SCUBE1: variants seen among roughly 807,000 people sequenced by gnomAD.
SCUBE1 encodes the protein signal peptide, CUB and EGF-like domain-containing protein 1.
SCUBE1 carries 59 observed loss-of-function variants against 124.4 expected under a neutral mutation model. That is an observed-to-expected ratio of 0.47 (90% CI 0.38 to 0.59). The LOEUF (loss-of-function observed/expected upper bound fraction) is 0.59. Ranked by LOEUF, SCUBE1 falls within the 20% of genes least tolerant of loss-of-function variation. The pLI, the probability that SCUBE1 is intolerant of heterozygous loss-of-function variation, is 0.00. For synonymous variants in SCUBE1, 545 were observed against 550.9 expected (o/e 0.99, Z 0.15); for missense variants, 1,150 against 1,371.2 (o/e 0.84, Z 2.55).
chr22:43,321,106 CGGAACCGGAAGTGCAGCACTAAGT>C (rs1332116683), intron 2 of SCUBE1, among the ~76,000 whole-genome samples: 4 of 152,192 alleles, frequency 2.6e-5, no homozygotes, highest in African/African-American at 9.7e-5. Flanking sequence ...GAACTGGAAC[CGGAACCGGAAGTGCAGCACTAAGT>C]GGAACCGGAA....
intron 20 of SCUBE1, 101 bp from the exon 21 acceptor site, chr22:43,207,714 A>G: frequency 1.1e-6 from 1 of 924,144 alleles, no homozygotes; most frequent in Admixed American, 1.9e-5. Flanking sequence ...TGCTCCAGCC[A>G]CGGGCTCTGG....
intron 3 of SCUBE1, among the ~76,000 whole-genome samples, chr22:43,313,083 T>C (rs1926226712): frequency 6.6e-6 from 1 of 152,176 alleles, no homozygotes; most frequent in Non-Finnish European, 1.5e-5. Flanking sequence ...CTTTGGATGC[T>C]GTGAGCACTA....
At position 43,334,414 on chromosome 22, in the gene SCUBE1, C is replaced by T. The variant is rs754700916; in HGVS notation, c.220+4690G>A. Among the ~76,000 whole-genome samples the T allele has an allele frequency of 1.3e-3, 191 of 152,186 alleles. 1 individual carries two copies. The highest frequency in any genetic ancestry group is 3.4e-4 in the Non-Finnish European group (23 of 68,042). ...GAACCAGAATACCTCATTTCCCAAC[C>T]ATTTTAGGTCCCAGGAATTGTTGGA... is the stretch of plus-strand genomic sequence containing the variant. On this transcript the variant is annotated intron_variant, in intron 2 of 21. Coordinates refer to ENST00000360835, the MANE Select transcript of SCUBE1 (RefSeq NM_173050.5).
chr22:43,238,815 C>A, intron 7 of SCUBE1, 23 bp downstream of exon 7: 2 of 1,589,478 alleles, frequency 1.3e-6, no homozygotes, highest in South Asian at 1.1e-5. Flanking sequence ...GGCAGGGGCA[C>A]CCACACAGCT....
At chr22:43,238,680 G>A (rs775007892) in intron 7 of SCUBE1, 158 bp downstream of exon 7, 3 of 718,416 alleles carry the variant, frequency 4.2e-6, no homozygotes, top group Admixed American at 4.0e-5. Context: ...CCTCTTCCTG[G>A]CCTCTCCAAC....
At chr22:43,343,097 A>G (rs992443711) in intron 1 of SCUBE1, 77 bp downstream of exon 1, 1 of 668,226 alleles carries the variant, frequency 1.5e-6, no homozygotes, top group Non-Finnish European at 1.9e-6. Context: ...ATCCGCGGGG[A>G]AGAAGCCCTC....
rs200211117 is a variant in SCUBE1 at position 43,229,121 on chromosome 22, C to T, written c.1035G>A (p.Gln345=). ...HICINSPGSF[Q]CLCHRGYILY... ...GGATGTAGCCGCGGTGACACAGGCA[C>T]TGGAAGCTGCCCGGGGAGTTGATGC... The change falls in exon 9 of 22, where the codon CAG becomes CAA. Residue 345 remains glutamine (Q), a synonymous_variant. Coordinates refer to ENST00000360835, the MANE Select transcript of SCUBE1 (RefSeq NM_173050.5). The T allele has an allele frequency of 1.9e-6, 3 of 1,613,988 alleles. No homozygotes were observed. The African/African-American group carries it at 4.0e-5, about 22-fold the overall frequency.
intron 3 of SCUBE1, among the ~76,000 whole-genome samples, chr22:43,304,026 C>T (rs1019912201): frequency 6.6e-6 from 1 of 152,196 alleles, no homozygotes; most frequent in African/African-American, 2.4e-5. Flanking sequence ...TTAATAAACT[C>T]CCCCGTGAAG....
intron 4 of SCUBE1, among the ~76,000 whole-genome samples, chr22:43,284,459 G>A (rs914615057): frequency 1.3e-5 from 2 of 152,208 alleles, no homozygotes; most frequent in Non-Finnish European, 2.9e-5. Flanking sequence ...CTCAGGCCCC[G>A]CCTGAGTCTC....
At chr22:43,338,392 G>C (rs1052443620) in intron 2 of SCUBE1, among the ~76,000 whole-genome samples, 1 of 152,222 alleles carries the variant, frequency 6.6e-6, no homozygotes, top group Admixed American at 6.5e-5. Context: ...GACCTACAGG[G>C]TGGTTTTGAA....
At chr22:43,316,453 T>A (rs1015797652) in intron 3 of SCUBE1, among the ~76,000 whole-genome samples, 6 of 152,160 alleles carry the variant, frequency 3.9e-5, no homozygotes, top group Non-Finnish European at 5.9e-5. Context: ...AGCAAACAAC[T>A]AAGAAAGCCA....
chr22:43,208,897 G>A (rs1307721119), intron 19 of SCUBE1, among the ~76,000 whole-genome samples: 1 of 152,146 alleles, frequency 6.6e-6, no homozygotes, highest in Non-Finnish European at 1.5e-5. Flanking sequence ...GGGCTCCTTG[G>A]CAAGGCCTCA....
chr22:43,317,464 G>C (rs1926391203), intron 3 of SCUBE1, among the ~76,000 whole-genome samples: 1 of 152,204 alleles, frequency 6.6e-6, no homozygotes, highest in African/African-American at 2.4e-5. Context: ...CATTATCTCA[G>C]TCACTGCTCA....
intron 7 of SCUBE1, 38 bp downstream of exon 7, chr22:43,238,800 G>T: frequency 6.5e-7 from 1 of 1,549,512 alleles, no homozygotes; most frequent in South Asian, 1.1e-5. Context: ...GGCCAGGCCA[G>T]TACAGGCAGG....
rs1355703872 is a variant in SCUBE1, at chr22:43,203,770, G to A, written c.*227C>T. The A allele has an allele frequency of 3.7e-6, 2 of 537,662 alleles. No homozygotes were observed. The highest frequency in any genetic ancestry group is 6.6e-6 in the Non-Finnish European group (2 of 301,438). The allele number at this position is 537,662 out of a possible 1,614,324, so 33.3% of individuals were successfully genotyped here. A position where few individuals can be genotyped will look rare whatever the true frequency, so the allele number is the denominator to read the frequency against. On this transcript the variant is annotated 3_prime_UTR_variant, in exon 22 of 22. Transcript: ENST00000360835. ...GAGAGGGCGCTCTTGGTGTCCTGGG[G>A]AAGGGAGGCAGAGGGAGGGAGGGAG...
chr22:43,210,843 T>C lies in SCUBE1; in HGVS notation c.2383+79A>G. 6.6e-7 allele frequency: 1 copy of C among 1,517,460 alleles called. No individual in the cohort carries two copies. Among genetic ancestry groups the C allele is most frequent in the Non-Finnish European group, 9.1e-7 (1 of 1,100,186 alleles). The allele number at this position is 1,517,460 out of a possible 1,614,324, so 94.0% of individuals were successfully genotyped here. On this transcript the variant is annotated intron_variant, in intron 18 of 21. Transcript: ENST00000360835. The surrounding 1 kb of genome is among the most constrained non-coding windows in gnomAD (Gnocchi z 4.5). ...GTGTCCTCGTGGAGCTCGTGTGAGA[T>C]CAGGTCTCCTCCCGCCCCCACAACC...
At chr22:43,324,699 C>T (rs1179207644) in intron 2 of SCUBE1, among the ~76,000 whole-genome samples, 5 of 151,884 alleles carry the variant, frequency 3.3e-5, no homozygotes, top group Non-Finnish European at 5.9e-5. Context: ...ACCTCCAAGA[C>T]ACTCATCAGG....
In SCUBE1 at chr22:43,218,261, T is replaced by G; in HGVS notation, c.1885A>C (p.Lys629Gln). The G allele has an allele frequency of 2.5e-6, 4 of 1,613,062 alleles. No homozygotes were observed. The highest frequency in any genetic ancestry group is 3.4e-6 in the Non-Finnish European group (4 of 1,179,992). The change falls in exon 15 of 22, where the codon AAA becomes CAA. Residue 629 changes from lysine (K) to glutamine (Q), a missense_variant. By Grantham distance (53) the Lys-to-Gln change is moderately conservative. Transcript: ENST00000360835. ...GCCATGGGCAAGGACTCACCGCATT[T>G]GCTGTCCTGTAGCACCTGGCCTGCG... ...CGAGQVLQDSKCVACGPGTHF... is the reference protein window; with the variant it reads ...CGAGQVLQDSQCVACGPGTHF...
Position 43,234,726 on chromosome 22 carries a change from C to T in SCUBE1, c.845-2851G>A, listed in dbSNP as rs531300665. 3.9e-5 allele frequency among the ~76,000 whole-genome samples: 6 copies of T among 152,150 alleles called. No homozygotes were observed. The highest frequency in any genetic ancestry group is 8.8e-5 in the Non-Finnish European group (6 of 68,028). On this transcript the variant is annotated intron_variant, in intron 7 of 21. Coordinates refer to ENST00000360835, the MANE Select transcript of SCUBE1 (RefSeq NM_173050.5). This position sits in a 1 kb window ranked among gnomAD's most constrained non-coding sequence, Gnocchi z 4.4. ...ACCGCCCCACACCAGGCAGCCAGCA[C>T]CACCTTCCGCACACAAATCTGGCTG...
Sources: allele counts gnomAD v4.1 joint callset (sites outside exome capture counted in the v4.1 genomes callset), GRCh38; gene constraint gnomAD v4.1.1; non-coding constraint Gnocchi (gnomAD v3.1); transcripts MANE v1.5; gene names NCBI Gene and HGNC (gene_info 2026-07-23, HGNC 2026-07-21).